Variants in BLTP1 observed in about 807,000 individuals in gnomAD.
BLTP1 encodes bridge-like lipid transfer protein family member 1, also known as fragile site-associated protein.
chr4:122,347,656 C>T, the BLTP1 span: 3 of 1,613,872 alleles, frequency 1.9e-6, no homozygotes, highest in African/African-American at 2.7e-5. Flanking sequence ...GCCTCAGTCA[C>T]CTAATGTGTT....
chr4:122,238,199 A>G, the BLTP1 span: 1 of 1,614,080 alleles, frequency 6.2e-7, no homozygotes, highest in Non-Finnish European at 8.5e-7. Context: ...ACGATCTCAT[A>G]GTTCATCCTC....
chr4:122,292,250 G>C, the BLTP1 span: 1 of 659,868 alleles, frequency 1.5e-6, no homozygotes, highest in African/African-American at 1.9e-5. Flanking sequence ...TTACAGGCGT[G>C]AGCCACTGTG....
chr4:122,209,457 C>G, the BLTP1 span: 7 of 979,624 alleles, frequency 7.1e-6, no homozygotes, highest in South Asian at 1.5e-5. Context: ...CCAGCCTGGC[C>G]AACATGGTGA....
At chr4:122,274,462 T>C in the BLTP1 span, 3 of 1,582,714 alleles carry the variant, frequency 1.9e-6, no homozygotes, top group Non-Finnish European at 2.6e-6. Flanking sequence ...TTTATTTTCT[T>C]ACACTTATAG....
chr4:122,235,224 T>G, the BLTP1 span: 1 of 487,830 alleles, frequency 2.0e-6, no homozygotes, highest in Non-Finnish European at 2.7e-6. Context: ...GAGTTAGAAG[T>G]AGGTCTGCTA....
the BLTP1 span, among the ~76,000 whole-genome samples, chr4:122,319,615 T>C: frequency 6.6e-6 from 1 of 150,954 alleles, no homozygotes; most frequent in Non-Finnish European, 1.5e-5. Flanking sequence ...GATCTTGGTG[T>C]ACTGCAACCA....
chr4:122,229,991 A>G, the BLTP1 span: 1 of 1,614,118 alleles, frequency 6.2e-7, no homozygotes, highest in Admixed American at 1.7e-5. Flanking sequence ...GGAAGGAATC[A>G]GTGCTGCAAT....
At chr4:122,226,792 T>C in the BLTP1 span, 1 of 1,613,250 alleles carries the variant, frequency 6.2e-7, no homozygotes, top group South Asian at 1.1e-5. Context: ...AAATCAGTTA[T>C]AATATGTCAG....
the BLTP1 span, among the ~76,000 whole-genome samples, chr4:122,262,557 T>G: frequency 6.6e-6 from 1 of 152,170 alleles, no homozygotes; most frequent in East Asian, 1.9e-4. Context: ...CTCTTTGTCT[T>G]GTACTATAGA....
the BLTP1 span, chr4:122,353,617 C>A: frequency 3.6e-6 from 1 of 275,408 alleles, no homozygotes; most frequent in Non-Finnish European, 5.5e-6. The surrounding 1 kb of genome is among the most constrained non-coding windows in gnomAD (Gnocchi z 4.3). Context: ...ATGCTTTCTT[C>A]ATCTTACTAG....
the BLTP1 span, among the ~76,000 whole-genome samples, chr4:122,206,758 G>A: frequency 1.3e-5 from 2 of 151,706 alleles, no homozygotes; most frequent in Admixed American, 1.3e-4. Context: ...TGTGCATATA[G>A]GATAGTGTCA....
At chr4:122,285,168 A>G in the BLTP1 span, among the ~76,000 whole-genome samples, 1 of 152,182 alleles carries the variant, frequency 6.6e-6, no homozygotes, top group Non-Finnish European at 1.5e-5. Context: ...AAAGCCAGAT[A>G]GGCAGTTTAG....
the BLTP1 span, chr4:122,219,597 A>G: frequency 3.3e-6 from 5 of 1,502,924 alleles, no homozygotes; most frequent in Non-Finnish European, 4.6e-6. Context: ...AGTAGTCTGG[A>G]ATATATTATA....
the BLTP1 span, chr4:122,231,729 G>C: frequency 1.0e-6 from 1 of 975,774 alleles, no homozygotes; most frequent in Non-Finnish European, 1.2e-6. Context: ...TATATGGGGT[G>C]CATGTGTATA....
At chr4:122,267,051 A>ATTTTTTTTTTTTTTTTTTTTTCTTTT in the BLTP1 span, 2 of 152,252 alleles carry the variant, frequency 1.3e-5, no homozygotes, top group Non-Finnish European at 2.4e-5. Flanking sequence ...TAAGGAAGTA[A>ATTTTTTTTTTTTTTTTTTTTTCTTTT]TTTTTTTTTT....
the BLTP1 span, among the ~76,000 whole-genome samples, chr4:122,168,585 TAAAA>T: frequency 6.7e-6 from 1 of 149,240 alleles, no homozygotes; most frequent in South Asian, 2.1e-4. Flanking sequence ...TTTTTAAAGT[TAAAA>T]AAAAAACTTA....
the BLTP1 span, chr4:122,306,136 C>A: frequency 1.6e-6 from 2 of 1,270,826 alleles, no homozygotes; most frequent in Non-Finnish European, 2.2e-6. Flanking sequence ...GGTGTAAATG[C>A]TTGACAGCTA....
At chr4:122,307,802 T>C in the BLTP1 span, 1 of 1,460,934 alleles carries the variant, frequency 6.8e-7, no homozygotes, top group Non-Finnish European at 9.0e-7. Flanking sequence ...ATATGTCCTC[T>C]TAGATCTTTC....
chr4:122,239,193 C>T, the BLTP1 span, among the ~76,000 whole-genome samples: 1 of 151,920 alleles, frequency 6.6e-6, no homozygotes, highest in Non-Finnish European at 1.5e-5. Flanking sequence ...TTTTGTTGGA[C>T]AAGTTTTTAA....
Sources: allele counts gnomAD v4.1 joint callset (sites outside exome capture counted in the v4.1 genomes callset), GRCh38; gene constraint gnomAD v4.1.1; non-coding constraint Gnocchi (gnomAD v3.1); transcripts MANE v1.5; gene names NCBI Gene and HGNC (gene_info 2026-07-23, HGNC 2026-07-21).